The following CCDC149 variants were observed in gnomAD, a reference collection of about 807,000 sequenced individuals.
CCDC149 encodes coiled-coil domain containing 149, also known as coiled-coil domain-containing protein 149.
In CCDC149, 45 loss-of-function variants were observed where a neutral mutation model predicts 59.9. The ratio of observed to expected loss-of-function variants is 0.75; its 90% confidence interval spans 0.59 to 0.96. CCDC149 has a LOEUF of 0.96. CCDC149 is among the 40% of genes least tolerant of loss of function. The pLI is 0.00. For synonymous variants in CCDC149, 245 were observed against 260.6 expected (o/e 0.94, Z 0.58); for missense variants, 584 against 664.7 (o/e 0.88, Z 1.33).
rs5856868 is a variant in CCDC149, at chr4:24,874,244, G to GTTTTTTTTTT, written c.226-535_226-526dup. ...GAGAACTTCTAGTCCTATTAGATTT[G>GTTTTTTTTTT]TTTTTTTTTTTTTTTGTTTTGTTTT... is the stretch of plus-strand genomic sequence containing the variant. On this transcript the variant is annotated intron_variant, in intron 2 of 12. Transcript: ENST00000635206. Among the ~76,000 whole-genome samples the GTTTTTTTTTT allele has an allele frequency of 6.5e-4, 57 of 87,484 alleles. 10 individuals carry two copies. The highest frequency in any genetic ancestry group is 2.8e-3 in the African/African-American group (48 of 17,170). The allele number at this position is 87,484 out of a possible 152,430, so 57.4% of individuals were successfully genotyped here.
chr4:24,810,891 A>C (rs758201560), intron 12 of CCDC149, among the ~76,000 whole-genome samples: 6 of 152,218 alleles, frequency 3.9e-5, no homozygotes, highest in Non-Finnish European at 8.8e-5. Flanking sequence ...TTAATAAAGA[A>C]AATAAAAATT....
At chr4:24,927,923 C>T (rs1175559453) in intron 1 of CCDC149, among the ~76,000 whole-genome samples, 1 of 150,918 alleles carries the variant, frequency 6.6e-6, no homozygotes, top group Non-Finnish European at 1.5e-5. Context: ...GAATTTCTTC[C>T]TTTTGCCCCA....
At chr4:24,849,866 A>C (rs1717544424) in intron 4 of CCDC149, among the ~76,000 whole-genome samples, 1 of 152,304 alleles carries the variant, frequency 6.6e-6, no homozygotes, top group African/African-American at 2.4e-5. Flanking sequence ...GCGTCCAAAA[A>C]CAGCAATTAT....
At chr4:24,918,274 G>T (rs1648350041) in intron 1 of CCDC149, among the ~76,000 whole-genome samples, 1 of 152,176 alleles carries the variant, frequency 6.6e-6, no homozygotes, top group Non-Finnish European at 1.5e-5. Context: ...GGGGCTTGGG[G>T]ATGGGGAAAA....
intron 1 of CCDC149, among the ~76,000 whole-genome samples, chr4:24,925,079 A>G (rs1442444772): frequency 6.6e-6 from 1 of 152,180 alleles, no homozygotes; most frequent in Non-Finnish European, 1.5e-5. Flanking sequence ...TTTTTGGGTC[A>G]ATCTTCCTCT....
At chr4:24,894,060 C>A (rs1441103526) in intron 1 of CCDC149, among the ~76,000 whole-genome samples, 1 of 152,162 alleles carries the variant, frequency 6.6e-6, no homozygotes, top group Non-Finnish European at 1.5e-5. Flanking sequence ...GAGTTCAAAT[C>A]CCAGCTCTGG....
rs891105458 is a variant in CCDC149, at chr4:24,911,027, G to C, written c.63+1790C>G. ...GTGAAGTTAAGGAGGTATTACTCTGGAGAAACTCTGCTGGGATGGGCAGGA... is the reference window on the plus strand; with the variant it reads ...GTGAAGTTAAGGAGGTATTACTCTGCAGAAACTCTGCTGGGATGGGCAGGA... On this transcript the variant is annotated intron_variant, in intron 1 of 12. Coordinates refer to ENST00000635206, the MANE Select transcript of CCDC149 (RefSeq NM_001330643.2). Among the ~76,000 whole-genome samples the C allele has an allele frequency of 3.3e-5, 5 of 152,250 alleles. No homozygotes were observed. In the Middle Eastern group the frequency reaches 0.01, roughly 311 times the overall value.
chr4:24,952,421 A>C (rs1031238506), intron 1 of CCDC149, among the ~76,000 whole-genome samples: 1 of 151,226 alleles, frequency 6.6e-6, no homozygotes, highest in African/African-American at 2.4e-5. Context: ...GTGAAACCCC[A>C]TCTCTACTAA....
At chr4:24,859,633 A>G (rs1369233919) in intron 3 of CCDC149, among the ~76,000 whole-genome samples, 1 of 152,234 alleles carries the variant, frequency 6.6e-6, no homozygotes, top group East Asian at 1.9e-4. Context: ...AAGGCATCCA[A>G]ATCAGTAAGG....
intron 10 of CCDC149, among the ~76,000 whole-genome samples, chr4:24,821,474 T>C (rs192675495): frequency 3.8e-4 from 58 of 152,342 alleles, no homozygotes; most frequent in Middle Eastern, 3.4e-3. Context: ...ATTAGTTCTG[T>C]CAGGTCTTTT....
At chr4:24,917,125 A>G (rs546791666), upstream of CCDC149, among the ~76,000 whole-genome samples, 4 of 152,314 alleles carry the variant, frequency 2.6e-5, no homozygotes, top group Admixed American at 6.5e-5. Context: ...CAGCAGCCAG[A>G]TACCAGAGGG....
intron 8 of CCDC149, among the ~76,000 whole-genome samples, chr4:24,833,697 T>C (rs1315920338): frequency 1.3e-5 from 2 of 152,256 alleles, no homozygotes; most frequent in African/African-American, 2.4e-5. Flanking sequence ...TAACTACTGC[T>C]GGACATTTAT....
chr4:24,851,217 GCT>G lies in CCDC149; in HGVS notation c.372+1853_372+1854del, dbSNP rs377636107. Among the ~76,000 whole-genome samples the G allele has an allele frequency of 3.1e-3, 478 of 152,276 alleles. 4 individuals are homozygous for G. The highest frequency in any genetic ancestry group is 0.011 in the African/African-American group (439 of 41,534). ...TGCTCAGTGTTACACACATAAACAT[GCT>G]CTCTCACACACACTAACACACTCAC... is the stretch of plus-strand genomic sequence containing the variant. On this transcript the variant is annotated intron_variant, in intron 4 of 12. Transcript: ENST00000635206.
chr4:24,822,637 A>G (rs2109110384), intron 9 of CCDC149, 64 bp from the exon 10 acceptor site: 2 of 1,134,992 alleles, frequency 1.8e-6, no homozygotes, highest in East Asian at 5.3e-5. Context: ...AGCCCTGGGA[A>G]TCCCACTGGT....
chr4:24,812,602 G>A (rs1252805074), intron 12 of CCDC149, among the ~76,000 whole-genome samples: 1 of 152,196 alleles, frequency 6.6e-6, no homozygotes, highest in African/African-American at 2.4e-5. Flanking sequence ...ACCAGTCAAT[G>A]CCAAGTCCTG....
chr4:24,933,646 T>C (rs1360370382), intron 1 of CCDC149, among the ~76,000 whole-genome samples: 1 of 152,214 alleles, frequency 6.6e-6, no homozygotes, highest in Non-Finnish European at 1.5e-5. Flanking sequence ...CTAGAGTTCA[T>C]ATTCTGGAGG....
intron 7 of CCDC149, among the ~76,000 whole-genome samples, chr4:24,835,574 A>G (rs1231726303): frequency 1.3e-5 from 2 of 152,362 alleles, no homozygotes; most frequent in Admixed American, 1.3e-4. Context: ...ATAGAACTGA[A>G]TAAATGTTGT....
Position 24,837,380 on chromosome 4 carries a change from G to C in CCDC149, c.510C>G (p.Asp170Glu). 1.2e-6 allele frequency: 2 copies of C among 1,614,152 alleles called. No homozygotes were observed. The highest frequency in any genetic ancestry group is 1.7e-6 in the Non-Finnish European group (2 of 1,180,016). Residue 170 changes from aspartate to glutamate, a missense_variant, in exon 6 of 13, where the codon GAC (aspartate) becomes GAG (glutamate). Coordinates refer to ENST00000635206, the MANE Select transcript of CCDC149 (RefSeq NM_001330643.2). This position sits in a 1 kb window ranked among gnomAD's most constrained non-coding sequence, Gnocchi z 4.3. ...GAAGCTCGTCCACAGAAGCCTGCAG[G>C]TCGTGCTCCAGAGACTCAATCTAAA...
chr4:24,969,282 G>A (rs556111251), intron 1 of CCDC149, among the ~76,000 whole-genome samples: 4 of 152,296 alleles, frequency 2.6e-5, no homozygotes, highest in East Asian at 3.9e-4. Flanking sequence ...ATATGCATGC[G>A]CTAACAGCTG....
Sources: allele counts gnomAD v4.1 joint callset (sites outside exome capture counted in the v4.1 genomes callset), GRCh38; gene constraint gnomAD v4.1.1; non-coding constraint Gnocchi (gnomAD v3.1); transcripts MANE v1.5; gene names NCBI Gene and HGNC (gene_info 2026-07-23, HGNC 2026-07-21).